Variants in ADAM32 observed in about 807,000 individuals in gnomAD.
The protein encoded by ADAM32 is ADAM metallopeptidase domain 32, also known as disintegrin and metalloproteinase domain-containing protein 32.
ADAM32 carries 89 observed loss-of-function variants against 114.9 expected under a neutral mutation model. The ratio of observed to expected loss-of-function variants is 0.77; its 90% CI spans 0.65 to 0.92. The LOEUF is 0.92. ADAM32 is among the 40% of genes least tolerant of loss of function. The pLI, the probability that ADAM32 is intolerant of heterozygous loss-of-function variation, is 0.00. For missense variants in ADAM32, 870 were observed against 932.8 expected, an observed-to-expected ratio of 0.93 and a Z score of 0.88; for synonymous variants, 285 against 307.5, an observed-to-expected ratio of 0.93 and a Z score of 0.77.
At position 39,223,195 on chromosome 8, in the gene ADAM32, C is replaced by T. The variant is rs374870426; in HGVS notation, c.1482C>T (p.Asp494=). 1 of 1,597,716 alleles carries T rather than the reference C, an allele frequency of 6.3e-7. No individual in the cohort carries two copies. Residue 494 remains aspartate, a synonymous_variant, in exon 14 of 25, where the codon GAC becomes GAT. Transcript: ENST00000379907. ...KNNKFICYDG[D]CHDLDARCES... Reference sequence around the variant, plus strand: ...ATAAGTTTATTTGTTATGACGGAGACTGCCATGATCTCGATGCACGTTGTG... The same window carrying T: ...ATAAGTTTATTTGTTATGACGGAGATTGCCATGATCTCGATGCACGTTGTG...
Position 39,211,129 on chromosome 8 carries a change from T to C in ADAM32, c.1053-15T>C, listed in dbSNP as rs770163324. 13 of 1,511,162 alleles carry C rather than the reference T, an allele frequency of 8.6e-6. No homozygotes were observed. The highest frequency in any genetic ancestry group is 1.1e-5 in the Non-Finnish European group (13 of 1,132,082). 93.6% of individuals were successfully genotyped at this position (1,511,162 alleles called of 1,614,324 possible). A position where few individuals can be genotyped will look rare whatever the true frequency, so the allele number is the denominator to read the frequency against. The stretch of plus-strand genomic sequence containing the variant: ...GAAGTATACTGCCAATGACATTATA[T>C]GGATTCATCTTTAGGCAATCCAATG... On this transcript the variant is annotated splice_polypyrimidine_tract_variant and intron_variant, in intron 11 of 24. Transcript: ENST00000379907.
At chr8:39,123,048 A>G (rs936497700) in intron 2 of ADAM32, among the ~76,000 whole-genome samples, 1 of 152,200 alleles carries the variant, frequency 6.6e-6, no homozygotes, top group Non-Finnish European at 1.5e-5. Context: ...AGGTCAGGAT[A>G]TAAGTTCAGT....
intron 11 of ADAM32, among the ~76,000 whole-genome samples, chr8:39,201,563 T>C (rs1202916498): frequency 2.0e-5 from 3 of 152,222 alleles, no homozygotes; most frequent in African/African-American, 7.2e-5. Context: ...TACAATCACG[T>C]CATCTGCAAA....
In ADAM32 at chr8:39,114,680, T is replaced by G. The variant is rs146293512; in HGVS notation, c.59-3406T>G. Among the ~76,000 whole-genome samples, 232 of 152,338 alleles carry G rather than the reference T, an allele frequency of 1.5e-3. 1 individual carries two copies. The highest frequency in any genetic ancestry group is 2.7e-3 in the Admixed American group (42 of 15,298). On this transcript the variant is annotated intron_variant, in intron 1 of 24. Transcript: ENST00000379907. ...GATTCCCAGTCAAAGCAAGGAATCA[T>G]GTTTAAAAATTTTTTTCATAAGTTT... is the stretch of plus-strand genomic sequence containing the variant.
At chr8:39,126,304 A>G (rs984793727) in intron 2 of ADAM32, among the ~76,000 whole-genome samples, 5 of 152,172 alleles carry the variant, frequency 3.3e-5, no homozygotes, top group Non-Finnish European at 7.3e-5. Context: ...CTTCCTATCC[A>G]TGAGCATGGA....
At chr8:39,157,995 G>A (rs765752536) in intron 6 of ADAM32, 18 of 303,322 alleles carry the variant, frequency 5.9e-5, no homozygotes, top group Non-Finnish European at 1.0e-4. Flanking sequence ...GCCCTCAGTG[G>A]GTCTTGTAGG....
intron 19 of ADAM32, among the ~76,000 whole-genome samples, chr8:39,267,134 A>G (rs1315993473): frequency 2.6e-5 from 4 of 152,134 alleles, no homozygotes; most frequent in East Asian, 1.9e-4. Flanking sequence ...GCGTGCAGGC[A>G]GGGTAGGTGG....
At chr8:39,283,020 A>C (rs1034195139) in intron 23 of ADAM32, among the ~76,000 whole-genome samples, 4 of 152,166 alleles carry the variant, frequency 2.6e-5, no homozygotes, top group Admixed American at 6.5e-5. Context: ...TCTGTGAATT[A>C]ATCTTGATTA....
chr8:39,180,772 A>T (rs546998744), intron 10 of ADAM32, among the ~76,000 whole-genome samples: 1 of 152,160 alleles, frequency 6.6e-6, no homozygotes, highest in African/African-American at 2.4e-5. Flanking sequence ...GGGGCCTTGG[A>T]GAACCTTTAT....
chr8:39,150,005 G>A (rs549679361), intron 5 of ADAM32, 138 bp downstream of exon 5: 2 of 548,764 alleles, frequency 3.6e-6, no homozygotes, highest in African/African-American at 3.9e-5. Flanking sequence ...CTCTGAACAT[G>A]TTTCCAATTC....
At chr8:39,171,699 T>A (rs1277375005) in intron 10 of ADAM32, among the ~76,000 whole-genome samples, 1 of 151,972 alleles carries the variant, frequency 6.6e-6, no homozygotes, top group Non-Finnish European at 1.5e-5. Context: ...TATTTAAAAA[T>A]ATATATGCCC....
intron 22 of ADAM32, among the ~76,000 whole-genome samples, chr8:39,278,331 G>T (rs1355878520): frequency 6.8e-6 from 1 of 147,754 alleles, no homozygotes; most frequent in Admixed American, 6.7e-5. Context: ...AACAGTGATA[G>T]AAATTCTCTC....
intron 1 of ADAM32, among the ~76,000 whole-genome samples, chr8:39,113,879 A>T (rs888226266): frequency 1.3e-5 from 2 of 152,188 alleles, no homozygotes; most frequent in African/African-American, 4.8e-5. Flanking sequence ...TGTCAGATGA[A>T]GGCATTTGTC....
intron 2 of ADAM32, among the ~76,000 whole-genome samples, chr8:39,135,882 A>G (rs567117928): frequency 6.6e-6 from 1 of 152,230 alleles, no homozygotes; most frequent in South Asian, 2.1e-4. Flanking sequence ...ATCACCAATA[A>G]TGTTGACGAT....
At chr8:39,233,739 T>C (rs980547280) in intron 15 of ADAM32, among the ~76,000 whole-genome samples, 160 bp from the exon 16 acceptor site, 30 of 152,204 alleles carry the variant, frequency 2.0e-4, no homozygotes, top group African/African-American at 6.8e-4. Flanking sequence ...ATTTATACTT[T>C]TTTTACTTTT....
intron 12 of ADAM32, among the ~76,000 whole-genome samples, chr8:39,218,719 G>T (rs1808753164): frequency 6.6e-6 from 1 of 152,104 alleles, no homozygotes; most frequent in South Asian, 2.1e-4. Context: ...TCCTTAGTCA[G>T]CTTGTTGTGG....
At position 39,107,755 on chromosome 8, in the gene ADAM32, T is replaced by A. The variant is rs1169903754; in HGVS notation, c.-21T>A. The A allele has an allele frequency of 6.5e-7, 1 of 1,550,292 alleles. No individual in the cohort carries two copies. The highest frequency in any genetic ancestry group is 2.0e-5 in the Admixed American group (1 of 50,962). Reference sequence around the variant, plus strand: ...TCCCGACTTCCCAACGGCTTCCCGCTGGCAGCCCCGAAGCCGCACCATGTT... The same window carrying A: ...TCCCGACTTCCCAACGGCTTCCCGCAGGCAGCCCCGAAGCCGCACCATGTT... On this transcript the variant is annotated 5_prime_UTR_variant, in exon 1 of 25. Transcript: ENST00000379907.
chr8:39,235,190 A>G (rs1810038056), intron 16 of ADAM32, among the ~76,000 whole-genome samples: 1 of 152,148 alleles, frequency 6.6e-6, no homozygotes, highest in African/African-American at 2.4e-5. Context: ...ATCTTTGCTC[A>G]TAGGGAAATA....
chr8:39,129,018 A>G (rs574784227), intron 2 of ADAM32, among the ~76,000 whole-genome samples: 1 of 151,934 alleles, frequency 6.6e-6, no homozygotes, highest in Non-Finnish European at 1.5e-5. Context: ...TTGATTTTTC[A>G]GATTGTTTCT....
Sources: gnomAD v4.1 joint callset for allele counts (sites outside exome capture counted in the v4.1 genomes callset) on GRCh38, gnomAD v4.1.1 for gene constraint, MANE v1.5 for transcripts, NCBI Gene and HGNC (gene_info 2026-07-23, HGNC 2026-07-21) for gene names.